Variants in GNAL observed in about 807,000 individuals in gnomAD.
GNAL encodes the protein guanine nucleotide-binding protein G(olf) subunit alpha.
A neutral mutation model predicts 55.1 loss-of-function variants in GNAL; 18 were observed. The ratio of observed to expected loss-of-function variants is 0.33; its 90% CI spans 0.23 to 0.48. The LOEUF (loss-of-function observed/expected upper bound fraction) is 0.48, where lower values mean the gene tolerates loss of function less well. Ranked by LOEUF, GNAL falls within the 20% of genes least tolerant of loss-of-function variation. The probability of loss-of-function intolerance (pLI) is 0.99; values close to 1 mark genes in which losing one functional copy is unlikely to be tolerated. For synonymous variants in GNAL, 253 were observed against 237.0 expected (o/e 1.07, Z -0.62); for missense variants, 412 against 614.1 (o/e 0.67, Z 3.48).
intron 4 of GNAL, among the ~76,000 whole-genome samples, chr18:11,795,055 C>G (rs1273292908): frequency 6.6e-6 from 1 of 152,102 alleles, no homozygotes; most frequent in Non-Finnish European, 1.5e-5. Flanking sequence ...GTTGACCAGG[C>G]TGGTCTTGAA....
intron 5 of GNAL, among the ~76,000 whole-genome samples, chr18:11,845,860 T>C (rs1412349929): frequency 2.6e-5 from 4 of 152,132 alleles, no homozygotes; most frequent in Non-Finnish European, 4.4e-5. Context: ...AGTTTTGCTG[T>C]GTCAGCTCTA....
chr18:11,794,021 G>A (rs2034310648), intron 4 of GNAL, among the ~76,000 whole-genome samples: 1 of 152,176 alleles, frequency 6.6e-6, no homozygotes, highest in South Asian at 2.1e-4. Flanking sequence ...TGTCATTAGG[G>A]CAACACAAAT....
chr18:11,833,460 G>A (rs1332766588), intron 5 of GNAL: 1 of 152,204 alleles, frequency 6.6e-6, no homozygotes, highest in East Asian at 1.9e-4. Flanking sequence ...ATGTCTCTGT[G>A]TGTGGCCATC....
chr18:11,689,884 C>T lies in GNAL; in HGVS notation c.321C>T (p.Arg107=). 2.7e-6 allele frequency: 4 copies of T among 1,496,280 alleles called. No individual in the cohort carries two copies. In the East Asian group the frequency reaches 8.6e-5, roughly 32 times the overall value. The allele number at this position is 1,496,280 out of a possible 1,614,324, so 92.7% of individuals were successfully genotyped here. A position where few individuals can be genotyped will look rare whatever the true frequency, so the allele number is the denominator to read the frequency against. Residue 107 remains arginine, a synonymous_variant, in exon 1 of 12, where the codon CGC becomes CGT. Coordinates refer to ENST00000334049, the MANE Select transcript of GNAL (RefSeq NM_182978.4). ...GGAAAGTGAGCCGGGGCATCGACCG[C>T]ATGCTGCGCGACCAGAAGCGCGACC... The part of the protein sequence containing the change: ...EARKVSRGID[R]MLRDQKRDLQ...
chr18:11,776,082 A>T (rs552429690), intron 4 of GNAL, among the ~76,000 whole-genome samples: 1 of 152,310 alleles, frequency 6.6e-6, no homozygotes, highest in Non-Finnish European at 1.5e-5. Flanking sequence ...GATAGCTAAA[A>T]AATCAACAGC....
intron 4 of GNAL, among the ~76,000 whole-genome samples, chr18:11,806,877 C>A (rs906147800): frequency 6.6e-6 from 1 of 152,056 alleles, no homozygotes; most frequent in African/African-American, 2.4e-5. Context: ...CTAAAAATAA[C>A]CTGCAGCTCG....
rs140701722 is a variant in GNAL at position 11,753,546 on chromosome 18, C to T, written c.450-82C>T. 8.9e-4 allele frequency: 806 copies of T among 901,444 alleles called. 7 individuals carry two copies. In the African/African-American group the frequency reaches 0.012, roughly 13 times the overall value. 55.8% of individuals were successfully genotyped at this position (901,444 alleles called of 1,614,324 possible). On this transcript the variant is annotated intron_variant, in intron 2 of 11. Transcript: ENST00000334049. ...AAACCAGTCTAGGTCAGTGCTGTAG[C>T]TGGAAATTTAAAATCCCACTCAATT... is the stretch of plus-strand genomic sequence containing the variant.
At chr18:11,708,074 G>A (rs9952417) in intron 1 of GNAL, among the ~76,000 whole-genome samples, 108,499 of 152,136 alleles carry the variant, frequency 0.71, 39,365 homozygotes, top group African/African-American at 0.81. Flanking sequence ...TCACTTTCTC[G>A]TTAGTGTGTT....
At chr18:11,742,666 C>T (rs1390663077) in intron 1 of GNAL, among the ~76,000 whole-genome samples, 1 of 152,232 alleles carries the variant, frequency 6.6e-6, no homozygotes, top group Non-Finnish European at 1.5e-5. Flanking sequence ...TCCCTTCCCT[C>T]TGCCTATCCT....
Position 11,879,877 on chromosome 18 carries a change from G to C in GNAL, c.1231-1112G>C, listed in dbSNP as rs1191998143. On this transcript the variant is annotated intron_variant, in intron 11 of 11. Coordinates refer to ENST00000334049, the MANE Select transcript of GNAL (RefSeq NM_182978.4). ...CGATAACCAGGGGACACCCTGCTTA[G>C]CAGATGCTAAACTGCCCCTGTGTGG... Among the ~76,000 whole-genome samples, 6 of 149,916 alleles carry C rather than the reference G, an allele frequency of 4.0e-5. No homozygotes were observed. In the South Asian group the frequency reaches 1.0e-3, roughly 26 times the overall value.
intron 4 of GNAL, among the ~76,000 whole-genome samples, chr18:11,795,993 C>G (rs1450023478): frequency 1.3e-5 from 2 of 152,180 alleles, no homozygotes; most frequent in African/African-American, 4.8e-5. Context: ...AATGGAGGAC[C>G]CAGTTATGAG....
At chr18:11,694,372 G>C (rs955947114) in intron 1 of GNAL, among the ~76,000 whole-genome samples, 1 of 152,198 alleles carries the variant, frequency 6.6e-6, no homozygotes, top group African/African-American at 2.4e-5. Flanking sequence ...TGATGACTCA[G>C]CTTTCTTTCC....
chr18:11,690,484 G>C (rs1227543224), intron 1 of GNAL, among the ~76,000 whole-genome samples: 1 of 151,684 alleles, frequency 6.6e-6, no homozygotes, highest in African/African-American at 2.4e-5. Context: ...TATACTTTAA[G>C]TTTTAGGGTA....
At chr18:11,729,525 C>T (rs2032287600) in intron 1 of GNAL, among the ~76,000 whole-genome samples, 1 of 152,142 alleles carries the variant, frequency 6.6e-6, no homozygotes, top group African/African-American at 2.4e-5. Context: ...TGGAAGTGCT[C>T]TTCCTTAAGT....
chr18:11,799,562 A>T (rs2034469520), intron 4 of GNAL, among the ~76,000 whole-genome samples: 1 of 152,130 alleles, frequency 6.6e-6, no homozygotes, highest in African/African-American at 2.4e-5. Context: ...GAAATCCAAC[A>T]TTCAAAAGGC....
intron 5 of GNAL, among the ~76,000 whole-genome samples, chr18:11,833,318 C>T (rs2035429520): frequency 1.3e-5 from 2 of 152,334 alleles, no homozygotes; most frequent in African/African-American, 4.8e-5. Flanking sequence ...GCATGAACCA[C>T]TGTGCCCCGC....
chr18:11,757,741 G>C (rs1344223689), intron 4 of GNAL, among the ~76,000 whole-genome samples: 2 of 152,160 alleles, frequency 1.3e-5, no homozygotes, highest in Admixed American at 1.3e-4. Context: ...TCTAAGTGGA[G>C]ACACCAGGTG....
At chr18:11,705,076 G>A (rs946596843) in intron 1 of GNAL, among the ~76,000 whole-genome samples, 3 of 152,126 alleles carry the variant, frequency 2.0e-5, no homozygotes, top group African/African-American at 4.8e-5. Context: ...CATCTTGCAT[G>A]TCTGAAATGT....
chr18:11,747,257 G>C lies in GNAL; in HGVS notation c.377-5596G>C. On this transcript the variant is annotated intron_variant, in intron 1 of 11. Transcript: ENST00000334049. ...GAAACAGCTCCTGAAAGAGACATTT[G>C]AGGACTCCAGTCTGAGACCCTGAAG... 3 of 306,080 alleles carry C rather than the reference G, an allele frequency of 9.8e-6. No individual in the cohort carries two copies. In the South Asian group the frequency reaches 9.9e-5, roughly 10 times the overall value. 19.0% of individuals were successfully genotyped at this position (306,080 alleles called of 1,614,324 possible). A position where few individuals can be genotyped will look rare whatever the true frequency, so the allele number is the denominator to read the frequency against.
Sources: gnomAD v4.1 joint callset for allele counts (sites outside exome capture counted in the v4.1 genomes callset) on GRCh38, gnomAD v4.1.1 for gene constraint, MANE v1.5 for transcripts, NCBI Gene and HGNC (gene_info 2026-07-23, HGNC 2026-07-21) for gene names.